Variants in KANK1 observed in about 807,000 individuals in gnomAD.
The protein encoded by KANK1 is KN motif and ankyrin repeat domain-containing protein 1.
In KANK1, 109 loss-of-function variants were observed where a neutral mutation model predicts 106.2. The observed-to-expected ratio is 1.03, with a 90% CI of 0.88 to 1.20. The LOEUF (loss-of-function observed/expected upper bound fraction) is 1.20. Ranked by LOEUF, KANK1 falls within the 50% of genes most tolerant of loss-of-function variation. The pLI is 0.00. For synonymous variants in KANK1, 873 were observed against 652.2 expected, an observed-to-expected ratio of 1.34 and a Z score of -5.16; for missense variants, 2,399 against 1,710.7, an observed-to-expected ratio of 1.40 and a Z score of -7.10.
At chr9:671,509 T>TGGTCTGTGCCTGTAGTCCCAGCTAATCA (rs145823320) in intron 1 of KANK1, among the ~76,000 whole-genome samples, 1 of 144,304 alleles carries the variant, frequency 6.9e-6, no homozygotes, top group East Asian at 2.0e-4. Context: ...CTGGACGTGG[T>TGGTCTGTGCCTGTAGTCCCAGCTAATCA]GGAGGCTGAG....
Position 711,815 on chromosome 9 carries a change from A to G in KANK1, c.1049A>G (p.Glu350Gly), listed in dbSNP as rs1564041402. Reference sequence around the variant, plus strand: ...GGCGGGGAATTATACATTGACTATGAGGAGGAAGAAATGGAGACCGTAGAA... The same window carrying G: ...GGCGGGGAATTATACATTGACTATGGGGAGGAAGAAATGGAGACCGTAGAA... ...RSGGELYIDY[E>G]EEEMETVEQS... The change falls in exon 3 of 12, where the codon GAG (glutamate) becomes GGG (glycine). Residue 350 changes from glutamate (E) to glycine (G), a missense_variant. Glu to Gly is a moderately conservative substitution (Grantham distance 98). Transcript: ENST00000382297. The G allele has an allele frequency of 8.1e-6, 13 of 1,614,086 alleles. No homozygotes were observed. The highest frequency in any genetic ancestry group is 1.1e-5 in the Non-Finnish European group (13 of 1,180,004).
intron 1 of KANK1, among the ~76,000 whole-genome samples, chr9:559,179 T>G (rs1815707088): frequency 6.6e-6 from 1 of 152,194 alleles, no homozygotes; most frequent in Non-Finnish European, 1.5e-5. Context: ...TCTTGTGAGT[T>G]GTCTAGTCTG....
chr9:722,146 A>C (rs1829497658), intron 3 of KANK1, among the ~76,000 whole-genome samples: 1 of 152,250 alleles, frequency 6.6e-6, no homozygotes, highest in Non-Finnish European at 1.5e-5. Context: ...TTTGGTTTAT[A>C]ATTTAACCTT....
At chr9:488,966 C>A (rs2058337227) in intron 3 of KANK1, 1 of 152,050 alleles carries the variant, frequency 6.6e-6, no homozygotes, top group Non-Finnish European at 1.5e-5. Flanking sequence ...CCTCAGTGAT[C>A]TGGAGTCATC....
At chr9:482,105 C>G (rs1483825343) in intron 3 of KANK1, among the ~76,000 whole-genome samples, 3 of 152,188 alleles carry the variant, frequency 2.0e-5, no homozygotes, top group Admixed American at 6.5e-5. Context: ...GTTCCCACAG[C>G]TGGGCCCTAC....
At chr9:580,057 G>A (rs532738507) in intron 1 of KANK1, among the ~76,000 whole-genome samples, 2 of 152,286 alleles carry the variant, frequency 1.3e-5, no homozygotes, top group African/African-American at 4.8e-5. Context: ...TAAAGATGGT[G>A]TGTCCGAAGT....
intron 1 of KANK1, among the ~76,000 whole-genome samples, chr9:662,705 A>C (rs1232754929): frequency 7.1e-6 from 1 of 140,888 alleles, no homozygotes; most frequent in Non-Finnish European, 1.5e-5. Flanking sequence ...TCTGTCACCC[A>C]GGCTGGAGTG....
chr9:521,727 G>A lies in KANK1; in HGVS notation c.-84+16973G>A, dbSNP rs117859030. Among the ~76,000 whole-genome samples the A allele has an allele frequency of 8.6e-5, 13 of 151,192 alleles. No homozygotes were observed. The East Asian group carries it at 1.8e-3, about 20-fold the overall frequency. On this transcript the variant is annotated intron_variant, in intron 1 of 11. Transcript: ENST00000382297. Reference sequence around the variant, plus strand: ...GGATTACAGGTGTGCGCCACCACGCGTGGCTGATTTTTGTATTATTGGTAG... The same window carrying A: ...GGATTACAGGTGTGCGCCACCACGCATGGCTGATTTTTGTATTATTGGTAG...
At chr9:510,331 A>G (rs1467310157) in intron 1 of KANK1, among the ~76,000 whole-genome samples, 1 of 152,220 alleles carries the variant, frequency 6.6e-6, no homozygotes, top group East Asian at 1.9e-4. Flanking sequence ...AGGATATAAG[A>G]AGGATCATAC....
At chr9:688,442 C>T (rs2139357571) in intron 2 of KANK1, among the ~76,000 whole-genome samples, 1 of 152,262 alleles carries the variant, frequency 6.6e-6, no homozygotes, top group South Asian at 2.1e-4. Flanking sequence ...CCCGTCTCTA[C>T]TAAAAATACA....
chr9:555,886 A>T (rs2061554014), intron 1 of KANK1, among the ~76,000 whole-genome samples: 1 of 152,262 alleles, frequency 6.6e-6, no homozygotes, highest in South Asian at 2.1e-4. Context: ...TTAAATAAAA[A>T]CAAACAACTT....
intron 3 of KANK1, among the ~76,000 whole-genome samples, chr9:714,756 G>A (rs1827231847): frequency 6.6e-6 from 1 of 152,268 alleles, no homozygotes; most frequent in African/African-American, 2.4e-5. Flanking sequence ...TAATCAGAAA[G>A]CCACCCTGGA....
At chr9:513,006 T>TA (rs1162691351) in intron 1 of KANK1, among the ~76,000 whole-genome samples, 3 of 152,154 alleles carry the variant, frequency 2.0e-5, no homozygotes, top group African/African-American at 7.2e-5. Context: ...TGTTGAAGGG[T>TA]ATGGTGTTGG....
At chr9:636,743 T>A (rs1837228686) in intron 1 of KANK1, among the ~76,000 whole-genome samples, 1 of 152,164 alleles carries the variant, frequency 6.6e-6, no homozygotes, top group Non-Finnish European at 1.5e-5. Context: ...GGTGTGTGCT[T>A]GTAATCCCAG....
intron 1 of KANK1, among the ~76,000 whole-genome samples, chr9:657,768 T>C (rs192583354): frequency 2.5e-4 from 38 of 152,278 alleles, no homozygotes; most frequent in Admixed American, 5.2e-4. Context: ...TAAAGCCCCT[T>C]CTAGGTCAGA....
intron 1 of KANK1, among the ~76,000 whole-genome samples, chr9:592,850 C>T (rs2804285): frequency 0.69 from 104,052 of 151,558 alleles, 36,128 homozygotes; most frequent in South Asian, 0.8. Context: ...TTTCTTTCTT[C>T]TGTTTGCTTT....
chr9:702,673 A>G (rs1352666903), intron 2 of KANK1, among the ~76,000 whole-genome samples: 1 of 152,134 alleles, frequency 6.6e-6, no homozygotes, highest in Non-Finnish European at 1.5e-5. Context: ...CTCTTTCCCT[A>G]CGTCAGTCTC....
At chr9:607,754 A>G (rs1829591145) in intron 1 of KANK1, among the ~76,000 whole-genome samples, 1 of 151,592 alleles carries the variant, frequency 6.6e-6, no homozygotes, top group Non-Finnish European at 1.5e-5. Context: ...TTGTTCTCCT[A>G]ACTTACTATG....
At chr9:528,584 G>A (rs2059915369) in intron 1 of KANK1, among the ~76,000 whole-genome samples, 1 of 141,640 alleles carries the variant, frequency 7.1e-6, no homozygotes, top group South Asian at 2.4e-4. Flanking sequence ...TGGGTTGAAG[G>A]TTGAAGCAAT....
Sources: gnomAD v4.1 joint callset for allele counts (sites outside exome capture counted in the v4.1 genomes callset) on GRCh38, gnomAD v4.1.1 for gene constraint, MANE v1.5 for transcripts, NCBI Gene and HGNC (gene_info 2026-07-23, HGNC 2026-07-21) for gene names.